The following SLC30A8 variants were observed in gnomAD, a reference collection of about 807,000 sequenced individuals.
SLC30A8 encodes the protein proton-coupled zinc antiporter SLC30A8.
In SLC30A8, 27 loss-of-function variants were observed where a neutral mutation model predicts 36.9. That is an observed-to-expected ratio of 0.73 (90% CI 0.54 to 1.01). The LOEUF (loss-of-function observed/expected upper bound fraction) is 1.01, where lower values mean the gene tolerates loss of function less well. SLC30A8 is among the 50% of genes least tolerant of loss of function. The pLI, the probability that SLC30A8 is intolerant of heterozygous loss-of-function variation, is 0.00. For missense variants in SLC30A8, 439 were observed against 452.0 expected, an observed-to-expected ratio of 0.97 and a Z score of 0.26; for synonymous variants, 164 against 172.4, an observed-to-expected ratio of 0.95 and a Z score of 0.38.
At chr8:117,088,953 G>A (rs1439853254) in intron 2 of SLC30A8, among the ~76,000 whole-genome samples, 1 of 152,206 alleles carries the variant, frequency 6.6e-6, no homozygotes, top group African/African-American at 2.4e-5. Flanking sequence ...AAGGTGATAT[G>A]TAATCTTCTT....
chr8:117,153,604 AAGG>A (rs1388718560), intron 3 of SLC30A8, among the ~76,000 whole-genome samples: 1 of 152,062 alleles, frequency 6.6e-6, no homozygotes, highest in Non-Finnish European at 1.5e-5. Context: ...TAATGCAAAA[AAGG>A]AGGAGGAGAA....
rs979652639 is a variant in SLC30A8 at position 117,174,775 on chromosome 8, A to G, written c.*2094A>G. The G allele has an allele frequency of 1.3e-5, 2 of 152,552 alleles. No homozygotes were observed. Among genetic ancestry groups the G allele is most frequent in the Admixed American group, 6.6e-5 (1 of 15,256 alleles). 9.4% of individuals were successfully genotyped at this position (152,552 alleles called of 1,614,324 possible). The stretch of plus-strand genomic sequence containing the variant: ...GGAGGGAGATTTGTGTGTCAACCAA[A>G]GTAATTGTCCCATGGCCCCAGGGTA... On this transcript the variant is annotated 3_prime_UTR_variant, in exon 8 of 8. Transcript: ENST00000456015.
intron 2 of SLC30A8, among the ~76,000 whole-genome samples, chr8:117,115,947 A>G (rs1414394516): frequency 6.6e-6 from 1 of 152,026 alleles, no homozygotes; most frequent in Non-Finnish European, 1.5e-5. Context: ...GAGCAAGCAC[A>G]TTGTTTTGCT....
chr8:117,006,772 ATTTTTTTTTTTTTTTTTT>A (rs71305456), intron 1 of SLC30A8, among the ~76,000 whole-genome samples: 1,306 of 79,022 alleles, frequency 0.017, 31 homozygotes, highest in African/African-American at 0.058. Context: ...GAGTCAGGTA[ATTTTTTTTTTTTTTTTTT>A]TTTTTTTTTT....
intron 6 of SLC30A8, among the ~76,000 whole-genome samples, chr8:117,166,269 CTG>C (rs1470883507): frequency 6.6e-6 from 1 of 152,114 alleles, no homozygotes; most frequent in African/African-American, 2.4e-5. Flanking sequence ...CAATTTAAAA[CTG>C]TTTAAAATTT....
At chr8:117,115,286 C>G (rs1019644381) in intron 2 of SLC30A8, among the ~76,000 whole-genome samples, 1 of 151,942 alleles carries the variant, frequency 6.6e-6, no homozygotes, top group Non-Finnish European at 1.5e-5. Context: ...AGGAACTGCT[C>G]TAGTTGGTAT....
chr8:116,955,736 TAAAA>T (rs1217003228), intron 1 of SLC30A8, among the ~76,000 whole-genome samples: 4 of 136,872 alleles, frequency 2.9e-5, no homozygotes, highest in Admixed American at 7.2e-5. Context: ...AAAAAAAAAA[TAAAA>T]AAAAAGAAAA....
rs1028568357 is a variant in SLC30A8 at position 117,172,850 on chromosome 8, G to A, written c.*169G>A. 28 of 725,154 alleles carry A rather than the reference G, an allele frequency of 3.9e-5. No individual in the cohort carries two copies. Among genetic ancestry groups the A allele is most frequent in the Middle Eastern group, 5.5e-4 (2 of 3,634 alleles). 44.9% of individuals were successfully genotyped at this position (725,154 alleles called of 1,614,324 possible). On this transcript the variant is annotated 3_prime_UTR_variant, in exon 8 of 8. Transcript: ENST00000456015. ...CATTCACCATGAAGGAAGAGGCACT[G>A]AGATCCATCAATCAATTGGATTATA...
intron 1 of SLC30A8, among the ~76,000 whole-genome samples, chr8:117,000,277 A>G (rs1168773330): frequency 6.6e-6 from 1 of 152,148 alleles, no homozygotes; most frequent in East Asian, 1.9e-4. Context: ...AATTCCTATG[A>G]CCGAGTTGTC....
At chr8:116,979,329 A>T (rs1815176375) in intron 1 of SLC30A8, among the ~76,000 whole-genome samples, 1 of 152,020 alleles carries the variant, frequency 6.6e-6, no homozygotes, top group South Asian at 2.1e-4. Context: ...ACTGGGTTAC[A>T]ATTTACTCCA....
chr8:116,961,168 G>C (rs191906555), intron 1 of SLC30A8, among the ~76,000 whole-genome samples: 1 of 152,212 alleles, frequency 6.6e-6, no homozygotes, highest in African/African-American at 2.4e-5. Context: ...GGTGGCTCAC[G>C]CCTGTAATCC....
chr8:117,006,955 GTTTTTTTTTTTTT>G (rs869111415), intron 1 of SLC30A8: 27 of 38,122 alleles, frequency 7.1e-4, no homozygotes, highest in East Asian at 6.2e-3. Flanking sequence ...GCTAATTCTT[GTTTTTTTTTTTTT>G]TTTTTTTTTT....
chr8:117,140,260 T>G (rs1220483018), intron 1 of SLC30A8, among the ~76,000 whole-genome samples: 1 of 152,082 alleles, frequency 6.6e-6, no homozygotes, highest in Non-Finnish European at 1.5e-5. Flanking sequence ...AGAAATGTGG[T>G]ACATTGTTAA....
intron 1 of SLC30A8, among the ~76,000 whole-genome samples, chr8:116,960,725 T>C (rs567311745): frequency 1.3e-5 from 2 of 152,364 alleles, no homozygotes; most frequent in African/African-American, 4.8e-5. Context: ...TTCTTTCTAC[T>C]TGTGTAGGGT....
intron 2 of SLC30A8, among the ~76,000 whole-genome samples, chr8:117,107,843 A>T (rs1820058937): frequency 6.6e-6 from 1 of 152,174 alleles, no homozygotes; most frequent in Admixed American, 6.6e-5. Context: ...AGGTTGGGTA[A>T]CTATTTTATT....
At chr8:117,028,729 A>T (rs777587375) in intron 1 of SLC30A8, among the ~76,000 whole-genome samples, 5 of 151,590 alleles carry the variant, frequency 3.3e-5, no homozygotes, top group Non-Finnish European at 5.9e-5. Context: ...ACATATGACA[A>T]ATATATATAT....
intron 1 of SLC30A8, among the ~76,000 whole-genome samples, chr8:117,017,531 C>G (rs1816558285): frequency 6.6e-6 from 1 of 152,166 alleles, no homozygotes; most frequent in Non-Finnish European, 1.5e-5. Flanking sequence ...AGGCACCAGC[C>G]AACACCAAAG....
At chr8:117,158,009 G>A (rs1157507723) in intron 4 of SLC30A8, among the ~76,000 whole-genome samples, 165 bp downstream of exon 4, 1 of 152,192 alleles carries the variant, frequency 6.6e-6, no homozygotes, top group Non-Finnish European at 1.5e-5. Context: ...TTTCGTTTAA[G>A]CTAAAGTGTT....
intron 1 of SLC30A8, among the ~76,000 whole-genome samples, chr8:117,004,908 G>A (rs188078654): frequency 2.0e-5 from 3 of 151,784 alleles, no homozygotes; most frequent in South Asian, 4.2e-4. Context: ...ATTTTCAAAG[G>A]TTGATATATT....
Sources: allele counts gnomAD v4.1 joint callset (sites outside exome capture counted in the v4.1 genomes callset), GRCh38; gene constraint gnomAD v4.1.1; transcripts MANE v1.5; gene names NCBI Gene and HGNC (gene_info 2026-07-23, HGNC 2026-07-21).